Variants in HMGB1 observed in about 807,000 individuals in gnomAD.
The protein encoded by HMGB1 is high mobility group protein B1.
For synonymous variants in HMGB1, 81 were observed against 84.0 expected (o/e 0.96, Z 0.19); for missense variants, 79 against 253.5 (o/e 0.31, Z 4.67).
chr13:30,507,233 C>T (rs988370174), intron 1 of HMGB1, among the ~76,000 whole-genome samples: 1 of 152,192 alleles, frequency 6.6e-6, no homozygotes, highest in South Asian at 2.1e-4. Flanking sequence ...TCTAATTTGG[C>T]CACTTCCTGC....
chr13:30,612,090 G>T (rs1175679352), intron 1 of HMGB1, among the ~76,000 whole-genome samples: 1 of 151,718 alleles, frequency 6.6e-6, no homozygotes, highest in Admixed American at 6.5e-5. Context: ...CCAAACAGAT[G>T]TAATCCTTGC....
chr13:30,508,503 T>C (rs1887920757), intron 1 of HMGB1, among the ~76,000 whole-genome samples: 1 of 151,296 alleles, frequency 6.6e-6, no homozygotes, highest in African/African-American at 2.4e-5. Context: ...AGAGCAAGAC[T>C]CCCTCTCAAG....
intron 1 of HMGB1, among the ~76,000 whole-genome samples, chr13:30,493,827 A>G (rs1887552325): frequency 6.6e-6 from 1 of 152,008 alleles, no homozygotes; most frequent in South Asian, 2.1e-4. Flanking sequence ...AACTCTTTGA[A>G]TTGAGCCAGG....
At position 30,517,435 on chromosome 13, in the gene HMGB1, C is replaced by T. The variant is rs1208936413; in HGVS notation, c.-14-53741G>A. On this transcript the variant is annotated intron_variant, in intron 1 of 4. Transcript: ENST00000405805. Reference sequence around the variant, plus strand: ...TTGTTTGTGTTTTGAGACGGAGTCTCGCTCTGTCACCCAGACTGGAGTGCA... The same window carrying T: ...TTGTTTGTGTTTTGAGACGGAGTCTTGCTCTGTCACCCAGACTGGAGTGCA... Among the ~76,000 whole-genome samples the T allele has an allele frequency of 3.3e-5, 5 of 152,248 alleles. 1 individual carries two copies. Among genetic ancestry groups the T allele is most frequent in the Admixed American group, 1.3e-4 (2 of 15,288 alleles).
intron 1 of HMGB1, among the ~76,000 whole-genome samples, chr13:30,512,509 C>T (rs536928452): frequency 6.6e-6 from 1 of 152,244 alleles, no homozygotes; most frequent in Non-Finnish European, 1.5e-5. Context: ...TTTGATTCCA[C>T]AGCAATCCTG....
intron 1 of HMGB1, among the ~76,000 whole-genome samples, chr13:30,484,194 T>C (rs1207918442): frequency 6.6e-6 from 1 of 152,134 alleles, no homozygotes; most frequent in Non-Finnish European, 1.5e-5. Flanking sequence ...TGCCCCTCCT[T>C]GGCAATGTCT....
At chr13:30,465,941 T>C (rs1886765693), upstream of HMGB1, 2 of 985,970 alleles carry the variant, frequency 2.0e-6, no homozygotes, top group Admixed American at 6.1e-5. Context: ...AACATTACTC[T>C]CCAGCCAGCG....
intron 1 of HMGB1, among the ~76,000 whole-genome samples, chr13:30,599,727 A>G (rs1346013364): frequency 6.6e-6 from 1 of 152,094 alleles, no homozygotes; most frequent in African/African-American, 2.4e-5. Flanking sequence ...TACTAGTCAT[A>G]TTGGATTAGG....
At chr13:30,532,327 T>A (rs1888513933) in intron 1 of HMGB1, among the ~76,000 whole-genome samples, 1 of 99,590 alleles carries the variant, frequency 1.0e-5, no homozygotes, top group Non-Finnish European at 2.0e-5. Flanking sequence ...AGAGCAAGAC[T>A]CTGTCTCAAA....
chr13:30,613,053 G>A (rs1374576783), intron 1 of HMGB1, among the ~76,000 whole-genome samples: 2 of 152,148 alleles, frequency 1.3e-5, no homozygotes, highest in African/African-American at 4.8e-5. Flanking sequence ...GCAAATTTGA[G>A]TAAATTGTTA....
At chr13:30,587,429 C>T (rs1871200456) in intron 1 of HMGB1, among the ~76,000 whole-genome samples, 1 of 152,218 alleles carries the variant, frequency 6.6e-6, no homozygotes, top group Non-Finnish European at 1.5e-5. Context: ...TCAAGCAATT[C>T]TCCTGCCTCA....
chr13:30,537,919 T>C (rs1365200818), intron 1 of HMGB1, among the ~76,000 whole-genome samples: 3 of 152,030 alleles, frequency 2.0e-5, no homozygotes, highest in African/African-American at 7.2e-5. Context: ...CCTTCTTCTC[T>C]TTTTTAAAAT....
At chr13:30,587,865 G>A (rs555486980) in intron 1 of HMGB1, among the ~76,000 whole-genome samples, 1 of 152,284 alleles carries the variant, frequency 6.6e-6, no homozygotes, top group East Asian at 1.9e-4. Context: ...TGGTAATGAG[G>A]GAGCTACTGT....
At chr13:30,486,470 C>T (rs977248751) in intron 1 of HMGB1, among the ~76,000 whole-genome samples, 6 of 152,186 alleles carry the variant, frequency 3.9e-5, no homozygotes, top group African/African-American at 1.2e-4. Context: ...GGCAGTCCAT[C>T]CTGGAAAATC....
intron 1 of HMGB1, among the ~76,000 whole-genome samples, chr13:30,608,247 G>GT (rs1950479278): frequency 6.6e-6 from 1 of 152,084 alleles, no homozygotes; most frequent in Admixed American, 6.5e-5. Flanking sequence ...CATACACAAT[G>GT]TATGAAATGA....
chr13:30,567,964 A>G (rs2137531375), intron 1 of HMGB1, among the ~76,000 whole-genome samples: 1 of 152,366 alleles, frequency 6.6e-6, no homozygotes, highest in East Asian at 1.9e-4. Context: ...AGACTCGTCC[A>G]TTGGGCAGTT....
At chr13:30,577,336 T>A (rs1870700968) in intron 1 of HMGB1, among the ~76,000 whole-genome samples, 1 of 121,810 alleles carries the variant, frequency 8.2e-6, no homozygotes, top group African/African-American at 3.9e-5. Context: ...TGAGACCCAG[T>A]CTCTTTAAAA....
intron 1 of HMGB1, among the ~76,000 whole-genome samples, chr13:30,582,757 C>T (rs767362465): frequency 2.6e-5 from 4 of 152,152 alleles, no homozygotes; most frequent in South Asian, 2.1e-4. Context: ...TATAACCCCA[C>T]GTAACGACAG....
At chr13:30,516,951 A>G (rs1303135620) in intron 1 of HMGB1, among the ~76,000 whole-genome samples, 1 of 152,120 alleles carries the variant, frequency 6.6e-6, no homozygotes, top group Non-Finnish European at 1.5e-5. Context: ...ATTTTAGGCT[A>G]GGGTTCTTGT....
Sources: gnomAD v4.1 joint callset for allele counts (sites outside exome capture counted in the v4.1 genomes callset) on GRCh38, gnomAD v4.1.1 for gene constraint, MANE v1.5 for transcripts, NCBI Gene and HGNC (gene_info 2026-07-23, HGNC 2026-07-21) for gene names.